GOLGA4: variants seen among roughly 807,000 people sequenced by gnomAD.
GOLGA4 encodes the protein golgin A4.
A neutral mutation model predicts 265.9 loss-of-function variants in GOLGA4; 169 were observed. The ratio of observed to expected loss-of-function variants is 0.64; its 90% CI spans 0.56 to 0.72. GOLGA4 has a LOEUF of 0.72. Among genes scored for constraint, GOLGA4 ranks in the 30% least tolerant of loss-of-function variants. The pLI, the probability that GOLGA4 is intolerant of heterozygous loss-of-function variation, is 0.00. For synonymous variants in GOLGA4, 923 were observed against 855.8 expected (o/e 1.08, Z -1.37); for missense variants, 2,482 against 2,483.4 (o/e 1.00, Z 0.01).
intron 1 of GOLGA4, chr3:37,250,270 T>C (rs1040968202): frequency 6.6e-6 from 1 of 152,340 alleles, no homozygotes; most frequent in South Asian, 2.1e-4. Flanking sequence ...ATAAAAAAAA[T>C]TAAATCTTTA....
In GOLGA4 at chr3:37,295,861, CATT is replaced by C. The variant is rs2096876812; in HGVS notation, c.682-222_682-220del. On this transcript the variant is annotated intron_variant, in intron 6 of 23. Coordinates refer to ENST00000361924, the MANE Select transcript of GOLGA4 (RefSeq NM_002078.5). ...ACAACAACTACTTGCATAGCATTTT[CATT>C]ATTTAGGTAGTTTATGTAATCTAGG... Among the ~76,000 whole-genome samples, 5 of 152,272 alleles carry C rather than the reference CATT, an allele frequency of 3.3e-5. 1 individual carries two copies. In the South Asian group the frequency reaches 1.0e-3, roughly 32 times the overall value.
At chr3:37,277,713 A>C (rs1032805599) in intron 2 of GOLGA4, among the ~76,000 whole-genome samples, 6 of 152,054 alleles carry the variant, frequency 3.9e-5, no homozygotes, top group Non-Finnish European at 7.4e-5. Flanking sequence ...CTTTTGTTAA[A>C]GTGTGTACCA....
chr3:37,293,173 A>T (rs144473415), intron 5 of GOLGA4, among the ~76,000 whole-genome samples: 1 of 152,194 alleles, frequency 6.6e-6, no homozygotes, highest in African/African-American at 2.4e-5. Flanking sequence ...CTAGAAGGCT[A>T]TTGAAGGAAA....
chr3:37,325,112 C>T lies in GOLGA4; in HGVS notation c.3226C>T (p.Leu1076=). The T allele has an allele frequency of 6.2e-7, 1 of 1,612,874 alleles. No individual in the cohort carries two copies. Among genetic ancestry groups the T allele is most frequent in the Non-Finnish European group, 8.5e-7 (1 of 1,179,264 alleles). The stretch of plus-strand genomic sequence containing the variant: ...GGAAAAAGAACAAGAGGTAGCAGAA[C>T]TGAAACAAAAGATCCTCCTATTTGG... ...LQEKEQEVAE[L]KQKILLFGCE... is the part of the protein sequence containing the mutation. The change falls in exon 14 of 24, where the codon CTG becomes TTG. Residue 1076 remains leucine, a synonymous_variant. Transcript: ENST00000361924.
chr3:37,350,159 A>G (rs6550472), intron 21 of GOLGA4, among the ~76,000 whole-genome samples: 5,840 of 152,214 alleles, frequency 0.038, 143 homozygotes, highest in African/African-American at 0.056. Flanking sequence ...CTTACTTCCC[A>G]GGGCCTGAGG....
intron 20 of GOLGA4, among the ~76,000 whole-genome samples, chr3:37,340,617 C>T (rs931674067): frequency 6.6e-6 from 1 of 152,164 alleles, no homozygotes; most frequent in African/African-American, 2.4e-5. Context: ...GCATCTCCCA[C>T]CCCCCACAGT....
At chr3:37,289,098 G>T (rs2096858114) in intron 4 of GOLGA4, 137 bp from the exon 5 acceptor site, 1 of 568,226 alleles carries the variant, frequency 1.8e-6, no homozygotes. Flanking sequence ...TAACATTTTA[G>T]GCTTGTCCTC....
chr3:37,333,181 C>G (rs2096996909), intron 16 of GOLGA4, among the ~76,000 whole-genome samples: 1 of 152,148 alleles, frequency 6.6e-6, no homozygotes, highest in East Asian at 1.9e-4. Flanking sequence ...TAGCCTAATC[C>G]CAATCTCAGA....
rs758189426 is a variant in GOLGA4 at position 37,251,468 on chromosome 3, G to T, written c.146G>T (p.Gly49Val). 6.2e-7 allele frequency: 1 copy of T among 1,603,210 alleles called. No individual in the cohort carries two copies. The highest frequency in any genetic ancestry group is 1.1e-5 in the South Asian group (1 of 90,866). The change falls in exon 2 of 24, where the codon GGT becomes GTT. Residue 49 changes from glycine (G) to valine (V), a missense_variant. Gly to Val is a moderately radical substitution (Grantham distance 109). Around this residue, in one of 3 missense-constraint regions of GOLGA4, gnomAD observed 1,536 missense variants for 1,483.7 expected, o/e 1.04. Transcript: ENST00000361924. ...TCATTTACAGAGCAACTTGATGAAG[G>T]TACACCCAATAGAGAGGTAAGTTTG... ...TSSFTEQLDE[G>V]TPNRESGDTQ...
At chr3:37,346,264 A>G (rs1298682317) in intron 20 of GOLGA4, among the ~76,000 whole-genome samples, 1 of 152,090 alleles carries the variant, frequency 6.6e-6, no homozygotes, top group African/African-American at 2.4e-5. Context: ...GAACATTGCC[A>G]TTTCTTTTGA....
Position 37,296,309 on chromosome 3 carries a change from G to C in GOLGA4, c.814+90G>C, listed in dbSNP as rs1020631367. Reference sequence around the variant, plus strand: ...ACCTTTAATCCCAACACTTTGGGAGGCCAGTGTGGGAGGATCGCTTGAGTT... The same window carrying C: ...ACCTTTAATCCCAACACTTTGGGAGCCCAGTGTGGGAGGATCGCTTGAGTT... On this transcript the variant is annotated intron_variant, in intron 7 of 23. Coordinates refer to ENST00000361924, the MANE Select transcript of GOLGA4 (RefSeq NM_002078.5). 6 of 1,267,412 alleles carry C rather than the reference G, an allele frequency of 4.7e-6. No individual in the cohort carries two copies. In the African/African-American group the frequency reaches 9.0e-5, roughly 19 times the overall value. The allele number at this position is 1,267,412 out of a possible 1,614,324, so 78.5% of individuals were successfully genotyped here. A position where few individuals can be genotyped will look rare whatever the true frequency, so the allele number is the denominator to read the frequency against.
At position 37,251,479 on chromosome 3, in the gene GOLGA4, A is replaced by G; in HGVS notation, c.157A>G (p.Arg53Gly). The change falls in exon 2 of 24, where the codon AGA (arginine) becomes GGA (glycine). Residue 53 changes from arginine to glycine, a missense_variant. Around this residue, in one of 3 missense-constraint regions of GOLGA4, gnomAD observed 1,536 missense variants for 1,483.7 expected, o/e 1.04. Transcript: ENST00000361924. ...TEQLDEGTPN[R>G]ESGDTQSFAQ... ...GCAACTTGATGAAGGTACACCCAAT[A>G]GAGAGGTAAGTTTGGAATTCCTTTT... 6.3e-7 allele frequency: 1 copy of G among 1,586,400 alleles called. No homozygotes were observed. Among genetic ancestry groups the G allele is most frequent in the Non-Finnish European group, 8.7e-7 (1 of 1,154,706 alleles).
In GOLGA4 at chr3:37,289,265, C is replaced by G. The variant is rs1464387847; in HGVS notation, c.556C>G (p.Leu186Val). The G allele has an allele frequency of 1.3e-6, 2 of 1,595,314 alleles. No individual in the cohort carries two copies. The highest frequency in any genetic ancestry group is 1.7e-6 in the Non-Finnish European group (2 of 1,165,888). ...ATTAAGTCAGAGTCAGGATAAATCACTTCGGAGAATAGCAGAATTAAGAGA... is the reference window on the plus strand; with the variant it reads ...ATTAAGTCAGAGTCAGGATAAATCAGTTCGGAGAATAGCAGAATTAAGAGA... ...GILSQSQDKS[L>V]RRIAELREEL... The change falls in exon 5 of 24, where the codon CTT becomes GTT. Residue 186 changes from leucine to valine, a missense_variant. By Grantham distance (32) the Leu-to-Val change is conservative. Transcript: ENST00000361924.
In GOLGA4 at chr3:37,282,197, C is replaced by G. The variant is rs751704086; in HGVS notation, c.402C>G (p.Leu134=). The change falls in exon 3 of 24, where the codon CTC becomes CTG. Residue 134 remains leucine (L), a synonymous_variant. Coordinates refer to ENST00000361924, the MANE Select transcript of GOLGA4 (RefSeq NM_002078.5). ...AEDLVGNSDS[L]NKEQLIQRLR... Reference sequence around the variant, plus strand: ...ACTTGGTAGGGAATTCAGACAGTCTCAACAAAGAACAGTTGATTCAGCGGT... The same window carrying G: ...ACTTGGTAGGGAATTCAGACAGTCTGAACAAAGAACAGTTGATTCAGCGGT... 1.2e-6 allele frequency: 2 copies of G among 1,614,000 alleles called. No homozygotes were observed. The highest frequency in any genetic ancestry group is 1.7e-6 in the Non-Finnish European group (2 of 1,179,990).
At chr3:37,314,171 G>A (rs1374375463) in intron 10 of GOLGA4, among the ~76,000 whole-genome samples, 1 of 151,930 alleles carries the variant, frequency 6.6e-6, no homozygotes, top group African/African-American at 2.4e-5. Flanking sequence ...ATGTTGGCCA[G>A]GCTGGTCTTG....
At chr3:37,353,264 T>G (rs1312610602) in intron 21 of GOLGA4, among the ~76,000 whole-genome samples, 1 of 152,012 alleles carries the variant, frequency 6.6e-6, no homozygotes, top group Non-Finnish European at 1.5e-5. Context: ...AGATATAAAG[T>G]GATCACATGT....
chr3:37,321,853 G>A lies in GOLGA4; in HGVS notation c.1668G>A (p.Arg556=). The change falls in exon 13 of 24, where the codon CGG becomes CGA. Residue 556 remains arginine (R), a synonymous_variant. Transcript: ENST00000361924. ...AILTESENKL[R]DLQQEAETYR... ...TCACAGAAAGTGAAAATAAACTTCG[G>A]GACCTTCAGCAAGAAGCAGAGACTT... is the stretch of plus-strand genomic sequence containing the variant. The A allele has an allele frequency of 6.2e-7, 1 of 1,611,892 alleles. No homozygotes were observed. The highest frequency in any genetic ancestry group is 1.1e-5 in the South Asian group (1 of 90,586).
chr3:37,363,025 G>T (rs529229496), intron 23 of GOLGA4, among the ~76,000 whole-genome samples: 1 of 151,930 alleles, frequency 6.6e-6, no homozygotes, highest in Admixed American at 6.6e-5. Context: ...CTCATGATCT[G>T]CCCACCTTGG....
At chr3:37,260,032 G>A (rs1295352043) in intron 2 of GOLGA4, among the ~76,000 whole-genome samples, 2 of 152,024 alleles carry the variant, frequency 1.3e-5, no homozygotes, top group South Asian at 2.1e-4. Flanking sequence ...CTTCTGTAGA[G>A]TATATTATCA....
Sources: allele counts gnomAD v4.1 joint callset (sites outside exome capture counted in the v4.1 genomes callset), GRCh38; gene constraint gnomAD v4.1.1; regional missense constraint gnomAD v4.1.1; transcripts MANE v1.5; gene names NCBI Gene and HGNC (gene_info 2026-07-23, HGNC 2026-07-21).